EPS15: variants seen among roughly 807,000 people sequenced by gnomAD.
EPS15 encodes the protein epidermal growth factor receptor pathway substrate 15, also known as epidermal growth factor receptor substrate 15.
In EPS15, 72 loss-of-function variants were observed where a neutral mutation model predicts 113.8. That is an observed-to-expected ratio of 0.63 (90% CI 0.52 to 0.77). EPS15 has a LOEUF of 0.77. EPS15 is among the 30% of genes least tolerant of loss of function. The probability of loss-of-function intolerance (pLI) is 0.00; values close to 1 mark genes in which losing one functional copy is unlikely to be tolerated. For synonymous variants in EPS15, 344 were observed against 363.4 expected, an observed-to-expected ratio of 0.95 and a Z score of 0.61; for missense variants, 1,048 against 1,045.8, an observed-to-expected ratio of 1.00 and a Z score of -0.03.
intron 21 of EPS15, among the ~76,000 whole-genome samples, chr1:51,389,878 T>C (rs1297846536): frequency 6.6e-6 from 1 of 152,204 alleles, no homozygotes; most frequent in Non-Finnish European, 1.5e-5. Context: ...ATCGTGAAAA[T>C]GGCCATACTG....
intron 21 of EPS15, among the ~76,000 whole-genome samples, chr1:51,389,233 A>G (rs975233802): frequency 6.6e-6 from 1 of 152,236 alleles, no homozygotes; most frequent in South Asian, 2.1e-4. Context: ...GATTATCTCA[A>G]TAGATGCAGA....
chr1:51,448,402 C>T (rs940903712), intron 8 of EPS15, among the ~76,000 whole-genome samples: 1 of 151,708 alleles, frequency 6.6e-6, no homozygotes, highest in Non-Finnish European at 1.5e-5. Flanking sequence ...ATGTCAAAGG[C>T]AAACAACAAT....
chr1:51,452,576 T>C (rs1413281507), intron 8 of EPS15, among the ~76,000 whole-genome samples: 1 of 152,184 alleles, frequency 6.6e-6, no homozygotes. Flanking sequence ...TGCAACAACA[T>C]TCATCACTGA....
chr1:51,496,135 A>G (rs1644319215), intron 1 of EPS15, among the ~76,000 whole-genome samples: 2 of 152,192 alleles, frequency 1.3e-5, no homozygotes, highest in Admixed American at 1.3e-4. Flanking sequence ...CATTAAGCCC[A>G]TTTAACCTGA....
At chr1:51,407,487 C>G (rs964915607) in intron 15 of EPS15, among the ~76,000 whole-genome samples, 2 of 152,212 alleles carry the variant, frequency 1.3e-5, no homozygotes, top group African/African-American at 4.8e-5. Context: ...CATGGGCCAC[C>G]ACCATGCCGA....
chr1:51,443,875 T>C (rs1652807214), intron 11 of EPS15, among the ~76,000 whole-genome samples: 1 of 152,134 alleles, frequency 6.6e-6, no homozygotes. Flanking sequence ...CAGGAACTCC[T>C]GGCCTCAAGT....
At chr1:51,507,184 A>G (rs989414166) in intron 1 of EPS15, among the ~76,000 whole-genome samples, 3 of 152,252 alleles carry the variant, frequency 2.0e-5, no homozygotes, top group Admixed American at 6.5e-5. Context: ...AGTACCACAT[A>G]TAACTCTACA....
chr1:51,435,304 G>C (rs182254743), intron 12 of EPS15, among the ~76,000 whole-genome samples: 1 of 151,590 alleles, frequency 6.6e-6, no homozygotes, highest in Non-Finnish European at 1.5e-5. Context: ...AGCGATTCTC[G>C]TGTCTCAGCC....
chr1:51,355,925 C>G lies in EPS15; in HGVS notation c.*775G>C, dbSNP rs1327662909. ...GATAAATTTTCTCCACTATCTATCA[C>G]TTAAAATGAACATTTTCTTACAAAC... is the stretch of plus-strand genomic sequence containing the variant. On this transcript the variant is annotated 3_prime_UTR_variant, in exon 25 of 25. Coordinates refer to ENST00000371733, the MANE Select transcript of EPS15 (RefSeq NM_001981.3). The G allele has an allele frequency of 5.2e-6, 1 of 192,942 alleles. No homozygotes were observed. Among genetic ancestry groups the G allele is most frequent in the Non-Finnish European group, 1.1e-5 (1 of 92,600 alleles). The allele number at this position is 192,942 out of a possible 1,614,324, so 12.0% of individuals were successfully genotyped here. A position where few individuals can be genotyped will look rare whatever the true frequency, so the allele number is the denominator to read the frequency against.
At chr1:51,422,147 G>T in intron 12 of EPS15, 1 of 734,884 alleles carries the variant, frequency 1.4e-6, no homozygotes, top group Non-Finnish European at 1.8e-6. Flanking sequence ...TTTCACTGAT[G>T]TCACTGTTGC....
At chr1:51,450,875 G>T (rs1025202400) in intron 8 of EPS15, among the ~76,000 whole-genome samples, 2 of 151,658 alleles carry the variant, frequency 1.3e-5, no homozygotes, top group Non-Finnish European at 2.9e-5. Flanking sequence ...TTTTAAAAAT[G>T]GTATATCCAT....
At chr1:51,358,282 CA>C (rs141348685) in intron 24 of EPS15, among the ~76,000 whole-genome samples, 2 of 150,844 alleles carry the variant, frequency 1.3e-5, no homozygotes, top group Non-Finnish European at 3.0e-5. Context: ...CGGAGTGAGC[CA>C]AAAAAAATAA....
intron 24 of EPS15, among the ~76,000 whole-genome samples, chr1:51,357,746 T>TC (rs1250426593): frequency 1.2e-3 from 179 of 151,178 alleles, no homozygotes; most frequent in South Asian, 2.1e-3. Context: ...TAATCTTTTT[T>TC]TTTTTTTTTT....
Position 51,447,073 on chromosome 1 carries a change from A to T in EPS15, c.684T>A (p.Tyr228Ter). 1 of 1,613,532 alleles carries T rather than the reference A, an allele frequency of 6.2e-7. No individual in the cohort carries two copies. The highest frequency in any genetic ancestry group is 8.5e-7 in the Non-Finnish European group (1 of 1,179,802). The change falls in exon 10 of 25, where the codon TAT (tyrosine) becomes TAA (stop). Residue 228 changes from tyrosine (Y) to a stop codon, truncating the protein, a stop_gained. Coordinates refer to ENST00000371733, the MANE Select transcript of EPS15 (RefSeq NM_001981.3). LOFTEE classifies it high-confidence loss of function. ...TATCAGTTTTCAGGAAGATTTCATC[A>T]TATTTAGCTTTTTCTGCAGGGGATA... The part of the protein sequence containing the change: ...WVVSPAEKAK[Y>*]DEIFLKTDKD...
At chr1:51,482,957 C>T (rs1261145710) in intron 1 of EPS15, among the ~76,000 whole-genome samples, 1 of 152,220 alleles carries the variant, frequency 6.6e-6, no homozygotes, top group Non-Finnish European at 1.5e-5. Flanking sequence ...CCCTTATCCA[C>T]AGTTTCACTT....
intron 1 of EPS15, among the ~76,000 whole-genome samples, chr1:51,518,636 A>C (rs1407083278): frequency 6.6e-6 from 1 of 152,118 alleles, no homozygotes; most frequent in Non-Finnish European, 1.5e-5. Context: ...AAACTCTGGG[A>C]AGGGAGGGCT....
At chr1:51,480,930 T>C (rs1377587516) in intron 2 of EPS15, among the ~76,000 whole-genome samples, 1 of 152,258 alleles carries the variant, frequency 6.6e-6, no homozygotes, top group Non-Finnish European at 1.5e-5. Flanking sequence ...GTCATGTTTT[T>C]CACTTTGTGA....
At chr1:51,392,075 T>G (rs1196071841) in intron 21 of EPS15, among the ~76,000 whole-genome samples, 1 of 152,032 alleles carries the variant, frequency 6.6e-6, no homozygotes, top group Non-Finnish European at 1.5e-5. Flanking sequence ...GTCCAAGGAC[T>G]AAGACTTGGG....
At chr1:51,430,653 GTTTTAAA>G in intron 12 of EPS15, among the ~76,000 whole-genome samples, 1 of 151,764 alleles carries the variant, frequency 6.6e-6, no homozygotes, top group Non-Finnish European at 1.5e-5. Flanking sequence ...CTTACCATAA[GTTTTAAA>G]TTAAAAGTTC....
Sources: allele counts gnomAD v4.1 joint callset (sites outside exome capture counted in the v4.1 genomes callset), GRCh38; gene constraint gnomAD v4.1.1; transcripts MANE v1.5; gene names NCBI Gene and HGNC (gene_info 2026-07-23, HGNC 2026-07-21).